CALN1: variants seen among roughly 807,000 people sequenced by gnomAD.
CALN1 encodes calcium-binding protein 8.
CALN1 carries 17 observed loss-of-function variants against 30.6 expected under a neutral mutation model. The ratio of observed to expected loss-of-function variants is 0.56; its 90% confidence interval spans 0.38 to 0.83. The LOEUF (loss-of-function observed/expected upper bound fraction) is 0.83, where lower values mean the gene tolerates loss of function less well. CALN1 is among the 40% of genes least tolerant of loss of function. The pLI is 0.00. For synonymous variants in CALN1, 156 were observed against 131.4 expected (o/e 1.19, Z -1.28); for missense variants, 291 against 354.9 (o/e 0.82, Z 1.45).
intron 3 of CALN1, among the ~76,000 whole-genome samples, chr7:72,231,545 G>C (rs1794100986): frequency 6.6e-6 from 1 of 152,102 alleles, no homozygotes; most frequent in African/African-American, 2.4e-5. Flanking sequence ...TGGGCATTTG[G>C]GTTGATTCCA....
At chr7:72,133,911 G>A (rs1451765001) in intron 3 of CALN1, among the ~76,000 whole-genome samples, 1 of 152,198 alleles carries the variant, frequency 6.6e-6, no homozygotes, top group South Asian at 2.1e-4. Context: ...TATCCAAGTG[G>A]TGAAAGTGAA....
At chr7:72,439,707 G>A (rs906792697) in intron 1 of CALN1, among the ~76,000 whole-genome samples, 3 of 151,850 alleles carry the variant, frequency 2.0e-5, no homozygotes, top group Non-Finnish European at 2.9e-5. Context: ...CTCCTGAGTA[G>A]CTGGGATGAC....
intron 5 of CALN1, among the ~76,000 whole-genome samples, chr7:71,954,860 G>A (rs1257223734): frequency 6.6e-6 from 1 of 152,176 alleles, no homozygotes; most frequent in African/African-American, 2.4e-5. Flanking sequence ...GCAGTGAAGA[G>A]GAGTGAGGTT....
rs533971004 is a variant in CALN1 at position 72,100,541 on chromosome 7, G to A, written c.388+5610C>T. On this transcript the variant is annotated intron_variant, in intron 4 of 6. Coordinates refer to ENST00000395275, the MANE Select transcript of CALN1 (RefSeq NM_031468.4). ...CAATTATAAGAATAACTTCTGAGCC[G>A]GGCGCAGTGGCTCATGCCTGTAATC... 1.7e-4 allele frequency among the ~76,000 whole-genome samples: 26 copies of A among 152,124 alleles called. No homozygotes were observed. In the South Asian group the frequency reaches 4.8e-3, roughly 28 times the overall value.
chr7:72,201,737 T>TAAA (rs778266725), intron 3 of CALN1, among the ~76,000 whole-genome samples: 24 of 117,862 alleles, frequency 2.0e-4, no homozygotes, highest in African/African-American at 7.1e-4. Flanking sequence ...TGAATCTGAT[T>TAAA]AAAAAAAAAA....
At chr7:72,354,843 G>A (rs1177931298) in intron 2 of CALN1, among the ~76,000 whole-genome samples, 7 of 150,792 alleles carry the variant, frequency 4.6e-5, no homozygotes, top group African/African-American at 1.5e-4. Flanking sequence ...AACTTTTAAA[G>A]AAAACCCAGG....
intron 6 of CALN1, among the ~76,000 whole-genome samples, chr7:71,796,285 T>A (rs1363577499): frequency 1.3e-5 from 2 of 152,070 alleles, no homozygotes; most frequent in African/African-American, 4.8e-5. Flanking sequence ...CATGTCAATA[T>A]ATGTCTTAAA....
At chr7:72,014,512 G>T (rs1260389345) in intron 5 of CALN1, among the ~76,000 whole-genome samples, 5 of 152,110 alleles carry the variant, frequency 3.3e-5, no homozygotes, top group African/African-American at 1.2e-4. Context: ...CGGTGAGGTC[G>T]AGCTGTTTTA....
At chr7:72,212,349 C>CCT (rs1792472811) in intron 3 of CALN1, among the ~76,000 whole-genome samples, 1 of 96,532 alleles carries the variant, frequency 1.0e-5, no homozygotes. Context: ...CACACCGTCT[C>CCT]AAAAAAAAAA....
intron 1 of CALN1, among the ~76,000 whole-genome samples, chr7:72,429,472 C>A (rs1163218180): frequency 6.6e-6 from 1 of 152,004 alleles, no homozygotes; most frequent in Non-Finnish European, 1.5e-5. Context: ...AGAATGCTGA[C>A]AAAGAACAAA....
intron 3 of CALN1, among the ~76,000 whole-genome samples, chr7:72,250,851 C>T (rs1219823984): frequency 1.3e-5 from 2 of 152,120 alleles, no homozygotes; most frequent in South Asian, 2.1e-4. Flanking sequence ...GCCAAATAAA[C>T]CTCTTTTCTT....
chr7:72,421,601 T>A (rs1255030867), intron 1 of CALN1, among the ~76,000 whole-genome samples: 59 of 143,226 alleles, frequency 4.1e-4, no homozygotes, highest in African/African-American at 1.5e-3. Flanking sequence ...TTTTTTTTTT[T>A]AGACTAAGTC....
chr7:72,290,476 G>T (rs1479152628), intron 2 of CALN1, among the ~76,000 whole-genome samples: 1 of 152,090 alleles, frequency 6.6e-6, no homozygotes, highest in African/African-American at 2.4e-5. Context: ...CAACTCTCCT[G>T]GAGAGTTGAC....
chr7:72,198,719 G>A (rs1791212083), intron 3 of CALN1, among the ~76,000 whole-genome samples: 3 of 152,190 alleles, frequency 2.0e-5, no homozygotes, highest in Admixed American at 1.3e-4. Context: ...GGCCAGAAAA[G>A]AGAAGCACTC....
Position 72,044,599 on chromosome 7 carries a change from CTTTT to C in CALN1, c.389-20834_389-20831del, listed in dbSNP as rs549079139. On this transcript the variant is annotated intron_variant, in intron 4 of 6. Coordinates refer to ENST00000395275, the MANE Select transcript of CALN1 (RefSeq NM_031468.4). Reference sequence around the variant, plus strand: ...TTCAGAGAATAATTTCCGCTTAAAACTTTTTTTTTTTTTTTTTTTTTTTTTTTTT... The same window carrying C: ...TTCAGAGAATAATTTCCGCTTAAAACTTTTTTTTTTTTTTTTTTTTTTTTT... Among the ~76,000 whole-genome samples, 606 of 96,508 alleles carry C rather than the reference CTTTT, an allele frequency of 6.3e-3. 2 individuals carry two copies. The highest frequency in any genetic ancestry group is 0.024 in the African/African-American group (584 of 24,294). 63.3% of individuals were successfully genotyped at this position (96,508 alleles called of 152,430 possible). A position where few individuals can be genotyped will look rare whatever the true frequency, so the allele number is the denominator to read the frequency against.
At chr7:72,194,250 T>C (rs1300219271) in intron 3 of CALN1, among the ~76,000 whole-genome samples, 9 of 152,174 alleles carry the variant, frequency 5.9e-5, no homozygotes, top group Admixed American at 5.9e-4. Context: ...TAAAACTCAG[T>C]GCAGTGTGGT....
intron 3 of CALN1, among the ~76,000 whole-genome samples, chr7:72,233,325 G>A (rs1216789301): frequency 6.6e-6 from 1 of 152,112 alleles, no homozygotes; most frequent in African/African-American, 2.4e-5. Context: ...GGAGAAGACG[G>A]TCTCGGGGAG....
chr7:72,318,631 C>T (rs757364743), intron 2 of CALN1, among the ~76,000 whole-genome samples: 1 of 151,088 alleles, frequency 6.6e-6, no homozygotes, highest in Non-Finnish European at 1.5e-5. Context: ...GCCTCGAACT[C>T]CTGGGTTCAA....
chr7:72,069,278 C>T (rs1331621047), intron 4 of CALN1, among the ~76,000 whole-genome samples: 1 of 152,142 alleles, frequency 6.6e-6, no homozygotes, highest in Non-Finnish European at 1.5e-5. Context: ...GGACACTGGC[C>T]TTGGTGGATG....
Sources: allele counts gnomAD v4.1 joint callset (sites outside exome capture counted in the v4.1 genomes callset), GRCh38; gene constraint gnomAD v4.1.1; transcripts MANE v1.5; gene names NCBI Gene and HGNC (gene_info 2026-07-23, HGNC 2026-07-21).